RB1: variants seen among roughly 807,000 people sequenced by gnomAD.
The protein encoded by RB1 is retinoblastoma-associated protein.
A neutral mutation model predicts 135.4 loss-of-function variants in RB1; 18 were observed. That is an observed-to-expected ratio of 0.13 (90% confidence interval 0.09 to 0.20). The LOEUF (loss-of-function observed/expected upper bound fraction) is 0.20, where lower values mean the gene tolerates loss of function less well. Ranked by LOEUF, RB1 falls within the 10% of genes least tolerant of loss-of-function variation. The pLI is 1.00. For synonymous variants in RB1, 365 were observed against 373.2 expected (o/e 0.98, Z 0.25); for missense variants, 868 against 1,110.0 (o/e 0.78, Z 3.10).
chr13:48,379,519 CAAA>C, intron 13 of RB1, 72 bp from the exon 14 acceptor site: 4 of 1,217,578 alleles, frequency 3.3e-6, no homozygotes, highest in South Asian at 1.5e-5. Flanking sequence ...GACTCCATCT[CAAA>C]AAAAAAAAAA....
At chr13:48,420,962 AAAGT>A (rs1948996284) in intron 17 of RB1, among the ~76,000 whole-genome samples, 2 of 152,218 alleles carry the variant, frequency 1.3e-5, no homozygotes, top group African/African-American at 4.8e-5. Flanking sequence ...CATACCACTC[AAAGT>A]AATTTATAGA....
intron 12 of RB1, 42 bp from the exon 13 acceptor site, chr13:48,376,874 TAC>T: frequency 6.2e-7 from 1 of 1,611,120 alleles, no homozygotes; most frequent in Non-Finnish European, 8.5e-7. Flanking sequence ...TAATTCTGAT[TAC>T]ACAGTATCCT....
chr13:48,428,517 A>G (rs1478787687), intron 17 of RB1, among the ~76,000 whole-genome samples: 1 of 152,274 alleles, frequency 6.6e-6, no homozygotes, highest in Admixed American at 6.5e-5. Flanking sequence ...CATTGAAACC[A>G]TATCAGACAT....
intron 17 of RB1, among the ~76,000 whole-genome samples, chr13:48,406,894 A>AAAACAAAC (rs145038330): frequency 6.6e-6 from 1 of 152,000 alleles, no homozygotes. Flanking sequence ...TCTTTCTATT[A>AAAACAAAC]AAACAAACAA....
chr13:48,464,958 C>CTTTTTTTTTTTTTTTTTTTT (rs553094345), intron 21 of RB1, 40 bp from the exon 22 acceptor site: 34 of 832,618 alleles, frequency 4.1e-5, no homozygotes, highest in South Asian at 1.6e-4. Flanking sequence ...GTAAATTTTA[C>CTTTTTTTTTTTTTTTTTTTT]TTTTTTTTTT....
At chr13:48,304,557 CAA>C (rs970831857) in intron 1 of RB1, among the ~76,000 whole-genome samples, 17 of 152,228 alleles carry the variant, frequency 1.1e-4, no homozygotes, top group African/African-American at 4.1e-4. Flanking sequence ...AAGCCTTGGA[CAA>C]GAAGCGCAGG....
At chr13:48,304,076 C>G (rs2138028277) in intron 1 of RB1, 27 bp downstream of exon 1, 2 of 1,398,036 alleles carry the variant, frequency 1.4e-6, no homozygotes, top group Non-Finnish European at 1.8e-6. Flanking sequence ...GCCGTCGCCT[C>G]ACGCGGGAAG....
Position 48,381,344 on chromosome 13 carries a change from C to T in RB1, c.1596C>T (p.Ile532=), listed in dbSNP as rs770728170. The T allele has an allele frequency of 1.7e-5, 28 of 1,611,076 alleles. No homozygotes were observed. The highest frequency in any genetic ancestry group is 1.2e-4 in the Admixed American group (7 of 59,676). ...NLKAFDFYKV[I]ESFIKAEGNL... is the part of the protein sequence containing the mutation. ...AAGCCTTTGATTTTTACAAAGTGAT[C>T]GAAAGTTTTATCAAAGCAGAAGGCA... The change falls in exon 17 of 27, where the codon ATC becomes ATT. Residue 532 remains isoleucine, a synonymous_variant. Transcript: ENST00000267163.
At chr13:48,447,432 T>C (rs1290149573) in intron 17 of RB1, among the ~76,000 whole-genome samples, 1 of 152,168 alleles carries the variant, frequency 6.6e-6, no homozygotes, top group Non-Finnish European at 1.5e-5. Flanking sequence ...GGTGGATGGA[T>C]GGATAACTAG....
chr13:48,372,559 G>A (rs1189131950), intron 11 of RB1, among the ~76,000 whole-genome samples: 1 of 151,928 alleles, frequency 6.6e-6, no homozygotes, highest in East Asian at 1.9e-4. Context: ...GCTGAGGCAG[G>A]AGAATCACTT....
In RB1 at chr13:48,431,123, G is replaced by A. The variant is rs141812450; in HGVS notation, c.1696-21870G>A. ...GTTAAATGACAAATTATGGAAACAAGTCTGTTAGAACAAACTAACAAAAAA... is the reference window on the plus strand; with the variant it reads ...GTTAAATGACAAATTATGGAAACAAATCTGTTAGAACAAACTAACAAAAAA... On this transcript the variant is annotated intron_variant, in intron 17 of 26. Coordinates refer to ENST00000267163, the MANE Select transcript of RB1 (RefSeq NM_000321.3). Among the ~76,000 whole-genome samples the A allele has an allele frequency of 1.2e-3, 152 of 130,592 alleles. 1 individual carries two copies. The highest frequency in any genetic ancestry group is 3.8e-3 in the African/African-American group (147 of 38,914). 85.7% of individuals were successfully genotyped at this position (130,592 alleles called of 152,430 possible). A position where few individuals can be genotyped will look rare whatever the true frequency, so the allele number is the denominator to read the frequency against.
At chr13:48,346,643 T>C (rs1952501368) in intron 4 of RB1, among the ~76,000 whole-genome samples, 4 of 151,894 alleles carry the variant, frequency 2.6e-5, no homozygotes, top group African/African-American at 9.7e-5. Context: ...AAACATAAAA[T>C]GTTATAAATA....
intron 6 of RB1, among the ~76,000 whole-genome samples, chr13:48,355,391 T>A (rs1409754522): frequency 6.6e-6 from 1 of 152,070 alleles, no homozygotes; most frequent in Admixed American, 6.6e-5. Context: ...GCAGTTAAAA[T>A]GGCTGATATT....
intron 17 of RB1, among the ~76,000 whole-genome samples, chr13:48,418,149 C>T (rs1948945654): frequency 6.6e-6 from 1 of 152,116 alleles, no homozygotes; most frequent in Non-Finnish European, 1.5e-5. Context: ...GGGTTACCTA[C>T]AAAGGGAAGC....
intron 24 of RB1, among the ~76,000 whole-genome samples, chr13:48,475,555 A>C (rs1949499137): frequency 6.6e-6 from 1 of 152,270 alleles, no homozygotes; most frequent in Non-Finnish European, 1.5e-5. Context: ...GAGGCAGGGA[A>C]ATAAAGAGCA....
At chr13:48,436,871 T>C (rs2138294799) in intron 17 of RB1, among the ~76,000 whole-genome samples, 1 of 152,344 alleles carries the variant, frequency 6.6e-6, no homozygotes, top group Non-Finnish European at 1.5e-5. Context: ...GTAGTTCTAA[T>C]AATATTCCTT....
intron 17 of RB1, among the ~76,000 whole-genome samples, chr13:48,437,455 C>A (rs1040877477): frequency 6.6e-6 from 1 of 152,262 alleles, no homozygotes; most frequent in South Asian, 2.1e-4. Flanking sequence ...TTCTGAAAGT[C>A]GGGAAACTGG....
At chr13:48,454,062 T>G (rs576137040) in intron 18 of RB1, among the ~76,000 whole-genome samples, 7 of 152,342 alleles carry the variant, frequency 4.6e-5, no homozygotes, top group African/African-American at 1.7e-4. Flanking sequence ...GCCTAAGTAC[T>G]TAAGATTTAT....
intron 17 of RB1, among the ~76,000 whole-genome samples, chr13:48,446,947 G>A (rs2138319757): frequency 6.6e-6 from 1 of 152,226 alleles, no homozygotes; most frequent in South Asian, 2.1e-4. Context: ...AGCTCTATGA[G>A]GACATCTAGG....
Sources: allele counts gnomAD v4.1 joint callset (sites outside exome capture counted in the v4.1 genomes callset), GRCh38; gene constraint gnomAD v4.1.1; transcripts MANE v1.5; gene names NCBI Gene and HGNC (gene_info 2026-07-23, HGNC 2026-07-21).